The following CWC27 variants were observed in gnomAD, a reference collection of about 807,000 sequenced individuals.
CWC27 encodes the protein CWC27 spliceosome associated cyclophilin.
Under a neutral mutation model 63.6 loss-of-function variants are expected in CWC27, and 47 were observed. The observed-to-expected ratio is 0.74, with a 90% CI of 0.58 to 0.94. The LOEUF (loss-of-function observed/expected upper bound fraction) is 0.94, where lower values mean the gene tolerates loss of function less well. CWC27 is among the 40% of genes least tolerant of loss of function. The pLI is 0.00. For missense variants in CWC27, 495 were observed against 554.3 expected, an observed-to-expected ratio of 0.89 and a Z score of 1.07; for synonymous variants, 175 against 179.8, an observed-to-expected ratio of 0.97 and a Z score of 0.22.
chr5:64,972,894 C>G (rs1749152249), intron 12 of CWC27, among the ~76,000 whole-genome samples: 1 of 152,074 alleles, frequency 6.6e-6, no homozygotes, highest in Non-Finnish European at 1.5e-5. Flanking sequence ...ACAAGTAATA[C>G]CAGTGAAAGG....
intron 2 of CWC27, among the ~76,000 whole-genome samples, chr5:64,777,906 A>G (rs1169937233): frequency 2.0e-5 from 3 of 152,144 alleles, no homozygotes; most frequent in Non-Finnish European, 4.4e-5. Flanking sequence ...CAGCTATGTT[A>G]GAATACAAAG....
intron 12 of CWC27, among the ~76,000 whole-genome samples, chr5:64,973,010 G>A (rs940545238): frequency 6.6e-6 from 1 of 152,176 alleles, no homozygotes; most frequent in Admixed American, 6.5e-5. Context: ...GAAATGATTT[G>A]TCAGCTGAAC....
chr5:64,901,808 T>G (rs1214592813), intron 11 of CWC27, among the ~76,000 whole-genome samples: 1 of 152,220 alleles, frequency 6.6e-6, no homozygotes, highest in Non-Finnish European at 1.5e-5. Flanking sequence ...ATATTTTCTT[T>G]ATATCTTTAT....
intron 13 of CWC27, among the ~76,000 whole-genome samples, chr5:64,989,484 A>G (rs2112456869): frequency 6.6e-6 from 1 of 152,374 alleles, no homozygotes; most frequent in Non-Finnish European, 1.5e-5. Flanking sequence ...TAGAGAGAAT[A>G]ATGTATTTCT....
intron 10 of CWC27, among the ~76,000 whole-genome samples, chr5:64,846,300 C>T (rs6883154): frequency 0.4 from 61,139 of 151,832 alleles, 13,625 homozygotes; most frequent in African/African-American, 0.59. Context: ...GTACATGAGT[C>T]AAAAAACAAA....
rs138416496 is a variant in CWC27, at chr5:64,783,523, G to A, written c.253-313G>A. ...GGAGAAATAATAGAAGATTTCAAAA[G>A]CATAGCTGACTTTGGGATGAGAATA... On this transcript the variant is annotated intron_variant, in intron 3 of 13. Transcript: ENST00000381070. 1.7e-4 allele frequency among the ~76,000 whole-genome samples: 26 copies of A among 152,290 alleles called. 1 individual carries two copies. The East Asian group carries it at 4.8e-3, about 28-fold the overall frequency.
chr5:64,799,066 G>T (rs1382693942), intron 7 of CWC27, among the ~76,000 whole-genome samples: 2 of 152,124 alleles, frequency 1.3e-5, no homozygotes, highest in African/African-American at 4.8e-5. Context: ...AAAGAAAAAT[G>T]GATACATTTA....
chr5:64,799,352 C>T (rs971670985), intron 7 of CWC27, among the ~76,000 whole-genome samples: 1 of 152,082 alleles, frequency 6.6e-6, no homozygotes, highest in Non-Finnish European at 1.5e-5. Context: ...CTTTGGGAGG[C>T]TGAGGCGGGC....
At chr5:64,982,104 G>A (rs1305487117) in intron 13 of CWC27, among the ~76,000 whole-genome samples, 1 of 152,118 alleles carries the variant, frequency 6.6e-6, no homozygotes, top group Admixed American at 6.5e-5. Context: ...ACTACCAGCT[G>A]TCTGTATCCA....
intron 10 of CWC27, among the ~76,000 whole-genome samples, chr5:64,820,219 T>C (rs1745155383): frequency 6.6e-6 from 1 of 152,222 alleles, no homozygotes; most frequent in African/African-American, 2.4e-5. Flanking sequence ...AATAAAACCT[T>C]ACAAAGCTGT....
At chr5:64,817,675 T>C (rs1339528247) in intron 10 of CWC27, among the ~76,000 whole-genome samples, 1 of 152,174 alleles carries the variant, frequency 6.6e-6, no homozygotes, top group Non-Finnish European at 1.5e-5. Flanking sequence ...GAATTCATTA[T>C]GATTATTTCC....
At chr5:64,855,307 T>C (rs1746224299) in intron 10 of CWC27, among the ~76,000 whole-genome samples, 1 of 152,134 alleles carries the variant, frequency 6.6e-6, no homozygotes, top group African/African-American at 2.4e-5. Context: ...GTGAGTGAAA[T>C]CAGCATTCTC....
chr5:64,990,410 G>A (rs1580768228), intron 13 of CWC27, among the ~76,000 whole-genome samples: 1 of 105,430 alleles, frequency 9.5e-6, no homozygotes, highest in East Asian at 2.4e-4. Flanking sequence ...GACTACAGGC[G>A]CCCGCCACTA....
At chr5:64,796,002 CGTGTGTGTGTGTGTGTGTGTGT>C (rs56699605) in intron 7 of CWC27, among the ~76,000 whole-genome samples, 13 of 135,882 alleles carry the variant, frequency 9.6e-5, no homozygotes, top group African/African-American at 3.5e-4. Flanking sequence ...AGAAATTGTG[CGTGTGTGTGTGTGTGTGTGTGT>C]GTGTGTGTGT....
chr5:64,866,695 T>G (rs1252210050), intron 10 of CWC27, among the ~76,000 whole-genome samples: 1 of 152,090 alleles, frequency 6.6e-6, no homozygotes, highest in Non-Finnish European at 1.5e-5. Context: ...AATTTCCACG[T>G]ATTTGTGAAT....
intron 7 of CWC27, among the ~76,000 whole-genome samples, chr5:64,798,605 A>G (rs1297033917): frequency 6.6e-6 from 1 of 152,198 alleles, no homozygotes; most frequent in East Asian, 1.9e-4. Context: ...AAAATTTTGT[A>G]TTATGAAATT....
At chr5:64,992,167 A>G (rs1749547858) in intron 13 of CWC27, among the ~76,000 whole-genome samples, 2 of 152,212 alleles carry the variant, frequency 1.3e-5, no homozygotes, top group South Asian at 4.1e-4. Flanking sequence ...CCTTCAAAAG[A>G]GCCTCATAGG....
At position 64,785,353 on chromosome 5, in the gene CWC27, T is replaced by C. The variant is rs571182985; in HGVS notation, c.397-128T>C. 2.1e-5 allele frequency: 9 copies of C among 438,572 alleles called. No homozygotes were observed. The South Asian group carries it at 8.3e-4, about 40-fold the overall frequency. 27.2% of individuals were successfully genotyped at this position (438,572 alleles called of 1,614,324 possible). A position where few individuals can be genotyped will look rare whatever the true frequency, so the allele number is the denominator to read the frequency against. On this transcript the variant is annotated intron_variant, in intron 4 of 13. Coordinates refer to ENST00000381070, the MANE Select transcript of CWC27 (RefSeq NM_005869.4). Reference sequence around the variant, plus strand: ...AAGTTGCTTTATTTGCATTATTAAATGCATATATTTTTATGTAATCACATG... The same window carrying C: ...AAGTTGCTTTATTTGCATTATTAAACGCATATATTTTTATGTAATCACATG...
At chr5:64,776,209 A>G (rs1004652765) in intron 2 of CWC27, among the ~76,000 whole-genome samples, 1 of 152,090 alleles carries the variant, frequency 6.6e-6, no homozygotes, top group African/African-American at 2.4e-5. Flanking sequence ...TCAGTCAGAG[A>G]GGCCTCAAAT....
Sources: allele counts gnomAD v4.1 joint callset (sites outside exome capture counted in the v4.1 genomes callset), GRCh38; gene constraint gnomAD v4.1.1; transcripts MANE v1.5; gene names NCBI Gene and HGNC (gene_info 2026-07-23, HGNC 2026-07-21).